The following PTPRK variants were observed in gnomAD, a reference collection of about 807,000 sequenced individuals.
PTPRK encodes receptor-type tyrosine-protein phosphatase kappa.
In PTPRK, 75 loss-of-function variants were observed where a neutral mutation model predicts 178.0. That is an observed-to-expected ratio of 0.42 (90% confidence interval 0.35 to 0.51). The LOEUF is 0.51. Ranked by LOEUF, PTPRK falls within the 20% of genes least tolerant of loss-of-function variation. The pLI, the probability that PTPRK is intolerant of heterozygous loss-of-function variation, is 0.02. For synonymous variants in PTPRK, 637 were observed against 620.6 expected, an observed-to-expected ratio of 1.03 and a Z score of -0.39; for missense variants, 1,441 against 1,797.8, an observed-to-expected ratio of 0.80 and a Z score of 3.59.
chr6:128,053,479 A>G (rs553652911), intron 13 of PTPRK, among the ~76,000 whole-genome samples: 1 of 152,064 alleles, frequency 6.6e-6, no homozygotes, highest in East Asian at 1.9e-4. Context: ...TTGGATTCTG[A>G]TACCTCACAC....
intron 3 of PTPRK, among the ~76,000 whole-genome samples, chr6:128,297,968 T>C (rs911542971): frequency 1.3e-5 from 2 of 152,078 alleles, no homozygotes; most frequent in South Asian, 2.1e-4. Flanking sequence ...ACAAAATTGA[T>C]AGACTGCTAG....
At chr6:128,468,466 T>C (rs1463335444) in intron 1 of PTPRK, among the ~76,000 whole-genome samples, 1 of 152,150 alleles carries the variant, frequency 6.6e-6, no homozygotes, top group African/African-American at 2.4e-5. Context: ...TACAATAACA[T>C]TGCTTATCAG....
chr6:128,388,153 G>A (rs1047252870), intron 2 of PTPRK, among the ~76,000 whole-genome samples: 1 of 152,208 alleles, frequency 6.6e-6, no homozygotes, highest in African/African-American at 2.4e-5. Flanking sequence ...ACAGATCTAT[G>A]CTAACATATC....
intron 1 of PTPRK, among the ~76,000 whole-genome samples, chr6:128,451,776 A>G (rs1192063826): frequency 6.6e-6 from 1 of 152,204 alleles, no homozygotes; most frequent in Non-Finnish European, 1.5e-5. Context: ...CATAATCCAC[A>G]TAAACCTAAG....
chr6:128,189,656 A>G (rs1803418883), intron 6 of PTPRK, among the ~76,000 whole-genome samples: 1 of 152,148 alleles, frequency 6.6e-6, no homozygotes. Context: ...TGCCCTGCAG[A>G]TGGAATTTTT....
chr6:128,498,192 T>C (rs1350637367), intron 1 of PTPRK, among the ~76,000 whole-genome samples: 2 of 152,188 alleles, frequency 1.3e-5, no homozygotes, highest in Non-Finnish European at 2.9e-5. Flanking sequence ...ATTCCAAGCA[T>C]TCTCCCATCC....
At chr6:128,144,813 T>G (rs1282442193) in intron 7 of PTPRK, among the ~76,000 whole-genome samples, 6 of 152,154 alleles carry the variant, frequency 3.9e-5, no homozygotes, top group Non-Finnish European at 2.9e-5. Flanking sequence ...TAACCAAAGA[T>G]AACTAGAATG....
intron 6 of PTPRK, among the ~76,000 whole-genome samples, chr6:128,217,343 TAA>T (rs148877072): frequency 0.052 from 7,937 of 152,168 alleles, 497 homozygotes; most frequent in African/African-American, 0.15. Context: ...ATTTAATCTA[TAA>T]AGTTTTTTTA....
chr6:128,321,180 T>C (rs976770936), intron 3 of PTPRK: 1 of 152,210 alleles, frequency 6.6e-6, no homozygotes, highest in Admixed American at 6.6e-5. Context: ...AATATACTTT[T>C]ACATAAATGT....
chr6:128,500,220 AC>A (rs1855337098), intron 1 of PTPRK, among the ~76,000 whole-genome samples: 1 of 152,238 alleles, frequency 6.6e-6, no homozygotes, highest in African/African-American at 2.4e-5. Context: ...ATATAGTGAG[AC>A]ATGAACTAAA....
At chr6:127,977,290 A>G (rs1394658901) in intron 25 of PTPRK, among the ~76,000 whole-genome samples, 1 of 152,238 alleles carries the variant, frequency 6.6e-6, no homozygotes, top group African/African-American at 2.4e-5. Context: ...AAAGCAATTC[A>G]AGTCAATAAC....
At chr6:128,481,298 C>T (rs926101374) in intron 1 of PTPRK, among the ~76,000 whole-genome samples, 2 of 152,162 alleles carry the variant, frequency 1.3e-5, no homozygotes, top group African/African-American at 4.8e-5. Flanking sequence ...TCCCTTACCT[C>T]ATTGCCAAGA....
rs184838079 is a variant in PTPRK at position 128,380,175 on chromosome 6, T to C, written c.223+17391A>G. ...CAATAACAGAAAAAACCTACAGATA[T>C]TAGCCTCAGGAGAGAAAAAAATTCA... On this transcript the variant is annotated intron_variant, in intron 2 of 29. Coordinates refer to ENST00000368226, the MANE Select transcript of PTPRK (RefSeq NM_002844.4). Among the ~76,000 whole-genome samples, 334 of 152,128 alleles carry C rather than the reference T, an allele frequency of 2.2e-3. 3 individuals carry two copies. The highest frequency in any genetic ancestry group is 7.4e-3 in the African/African-American group (307 of 41,522).
At chr6:128,053,290 C>T (rs1204924994) in intron 13 of PTPRK, among the ~76,000 whole-genome samples, 1 of 152,030 alleles carries the variant, frequency 6.6e-6, no homozygotes, top group African/African-American at 2.4e-5. Flanking sequence ...CTTCCCTGTG[C>T]GGCTGTGCTC....
intron 7 of PTPRK, among the ~76,000 whole-genome samples, chr6:128,166,680 T>C (rs951346827): frequency 1.3e-5 from 2 of 151,804 alleles, no homozygotes; most frequent in Non-Finnish European, 3.0e-5. Flanking sequence ...AACAAAACTC[T>C]ATAAACATAA....
At chr6:128,293,252 G>A (rs2128307835) in intron 3 of PTPRK, among the ~76,000 whole-genome samples, 1 of 152,138 alleles carries the variant, frequency 6.6e-6, no homozygotes, top group Admixed American at 6.6e-5. Flanking sequence ...TCTAGAAGCT[G>A]CGAAGTCCAA....
intron 10 of PTPRK, among the ~76,000 whole-genome samples, chr6:128,079,882 G>A (rs913268486): frequency 7.2e-5 from 11 of 152,004 alleles, no homozygotes; most frequent in African/African-American, 2.4e-4. Flanking sequence ...TGTAAGATCA[G>A]AATCACCTGG....
chr6:128,343,498 C>T (rs909888121), intron 2 of PTPRK, among the ~76,000 whole-genome samples: 3 of 134,272 alleles, frequency 2.2e-5, no homozygotes, highest in Non-Finnish European at 3.1e-5. Flanking sequence ...GAAACTCCAT[C>T]TCAAAAAAAA....
chr6:128,194,423 C>G (rs923124986), intron 6 of PTPRK, among the ~76,000 whole-genome samples: 2 of 152,088 alleles, frequency 1.3e-5, no homozygotes, highest in South Asian at 4.1e-4. Context: ...ACAAAAGCCT[C>G]TCTCAGTACT....
Sources: allele counts gnomAD v4.1 joint callset (sites outside exome capture counted in the v4.1 genomes callset), GRCh38; gene constraint gnomAD v4.1.1; transcripts MANE v1.5; gene names NCBI Gene and HGNC (gene_info 2026-07-23, HGNC 2026-07-21).